The following XK variants were observed in gnomAD, a reference collection of about 807,000 sequenced individuals.
The protein encoded by XK is endoplasmic reticulum membrane adapter protein XK.
In XK, 2 loss-of-function variants were observed where a neutral mutation model predicts 14.0. The observed-to-expected ratio is 0.14, with a 90% confidence interval of 0.06 to 0.45. XK has a LOEUF of 0.45. Ranked by LOEUF, XK falls within the 20% of genes least tolerant of loss-of-function variation. The pLI is 0.98. For missense variants in XK, 235 were observed against 341.5 expected, an observed-to-expected ratio of 0.69 and a Z score of 2.46; for synonymous variants, 149 against 147.5, an observed-to-expected ratio of 1.01 and a Z score of -0.08.
Position 37,686,101 on chromosome X carries a change from C to G in XK, c.140C>G (p.Pro47Arg), listed in dbSNP as rs1927066126. ...CTGACGTTGCTTTTCTCGCTACTGCCTTGCGCGCTCGTGCAGCTCACGCTT... is the reference window on the plus strand; with the variant it reads ...CTGACGTTGCTTTTCTCGCTACTGCGTTGCGCGCTCGTGCAGCTCACGCTT... ...QALTLLFSLL[P>R]CALVQLTLLF... The change falls in exon 1 of 3, where the codon CCT becomes CGT. Residue 47 changes from proline (P) to arginine (R), a missense_variant. Physicochemically the swap from Pro to Arg is moderately radical, Grantham distance 103 (BLOSUM62 -2). Transcript: ENST00000378616. 8.3e-7 allele frequency: 1 copy of G among 1,211,758 alleles called. No individual in the cohort carries two copies. The highest frequency in any genetic ancestry group is 1.1e-6 in the Non-Finnish European group (1 of 895,477).
chrX:37,688,989 A>G (rs1927152364), intron 1 of XK, among the ~76,000 whole-genome samples: 1 of 112,246 alleles, frequency 8.9e-6, no homozygotes, highest in Admixed American at 9.4e-5. Context: ...AAGGAAAGAA[A>G]ACTTTTGGTG....
intron 2 of XK, among the ~76,000 whole-genome samples, chrX:37,726,093 G>A (rs1436239830): frequency 1.8e-5 from 2 of 111,038 alleles, no homozygotes; most frequent in Non-Finnish European, 3.8e-5. Flanking sequence ...AATGCCAAGA[G>A]TGAGCCCTAA....
At chrX:37,721,436 A>G (rs1361780871) in intron 2 of XK, among the ~76,000 whole-genome samples, 8 of 111,639 alleles carry the variant, frequency 7.2e-5, no homozygotes, top group African/African-American at 2.3e-4. Flanking sequence ...CAAATGGCCA[A>G]TACCCACATG....
chrX:37,685,878 C>T lies in XK; in HGVS notation c.-84C>T. On this transcript the variant is annotated 5_prime_UTR_variant, in exon 1 of 3. Transcript: ENST00000378616. ...GTTTGGGGCTGGGCATGCTGGGAGCCCCTCGGGCAACGGCCGCCGCCGCCA... is the reference window on the plus strand; with the variant it reads ...GTTTGGGGCTGGGCATGCTGGGAGCTCCTCGGGCAACGGCCGCCGCCGCCA... 1 of 1,083,405 alleles carries T rather than the reference C, an allele frequency of 9.2e-7. No individual in the cohort carries two copies. The highest frequency in any genetic ancestry group is 1.2e-6 in the Non-Finnish European group (1 of 808,821). The allele number at this position is 1,083,405 out of a possible 1,213,427, so 89.3% of individuals were successfully genotyped here.
At chrX:37,688,753 C>T (rs1447056951) in intron 1 of XK, among the ~76,000 whole-genome samples, 4 of 110,961 alleles carry the variant, frequency 3.6e-5, no homozygotes, top group African/African-American at 1.3e-4. Flanking sequence ...TTTCTAAACA[C>T]GAAGAGTAAC....
At chrX:37,715,472 T>A (rs1927749027) in intron 2 of XK, among the ~76,000 whole-genome samples, 1 of 112,113 alleles carries the variant, frequency 8.9e-6, no homozygotes, top group African/African-American at 3.2e-5. Flanking sequence ...GTAAACTTAG[T>A]TTATTCATTT....
intron 2 of XK, among the ~76,000 whole-genome samples, chrX:37,720,989 C>G (rs959361132): frequency 1.8e-5 from 2 of 111,024 alleles, no homozygotes; most frequent in Non-Finnish European, 3.8e-5. Flanking sequence ...GTGCAGGTAT[C>G]ATTTTAATAT....
chrX:37,686,467 A>G (rs1927078955), intron 1 of XK, among the ~76,000 whole-genome samples: 1 of 112,308 alleles, frequency 8.9e-6, no homozygotes, highest in East Asian at 2.8e-4. Context: ...GAAATTGACC[A>G]ACAAAAATGG....
chrX:37,685,842 G>T lies in XK; in HGVS notation c.-120G>T, dbSNP rs1927048841. On this transcript the variant is annotated 5_prime_UTR_variant, in exon 1 of 3. Transcript: ENST00000378616. The stretch of plus-strand genomic sequence containing the variant: ...GCGTGCCCTCGGCGGGCTGCGCAGA[G>T]CGCGGGAGCGGTTTGGGGCTGGGCA... 5.9e-6 allele frequency: 5 copies of T among 844,075 alleles called. No individual in the cohort carries two copies. The South Asian group carries it at 1.3e-4, about 22-fold the overall frequency. The allele number at this position is 844,075 out of a possible 1,213,427, so 69.6% of individuals were successfully genotyped here. A position where few individuals can be genotyped will look rare whatever the true frequency, so the allele number is the denominator to read the frequency against.
intron 2 of XK, among the ~76,000 whole-genome samples, chrX:37,720,590 G>A (rs1217353812): frequency 9.1e-6 from 1 of 110,477 alleles, no homozygotes; most frequent in Non-Finnish European, 1.9e-5. Flanking sequence ...GCATAGTGGT[G>A]AAGTCTGGGC....
chrX:37,709,911 T>G (rs781972811), intron 2 of XK, among the ~76,000 whole-genome samples: 10 of 111,982 alleles, frequency 8.9e-5, no homozygotes, highest in Non-Finnish European at 1.5e-4. Context: ...GCTTCAATTC[T>G]TCAATTTCAG....
intron 1 of XK, among the ~76,000 whole-genome samples, chrX:37,691,803 G>A (rs782468156): frequency 9.0e-6 from 1 of 111,528 alleles, no homozygotes; most frequent in South Asian, 3.8e-4. Context: ...TACGTAGCCT[G>A]GTCAACATAG....
Position 37,721,247 on chromosome X carries a change from A to T in XK, c.509-6389A>T, listed in dbSNP as rs1422070141. 2.7e-5 allele frequency among the ~76,000 whole-genome samples: 3 copies of T among 111,116 alleles called. No individual in the cohort carries two copies. In the East Asian group the frequency reaches 8.4e-4, roughly 31 times the overall value. On this transcript the variant is annotated intron_variant, in intron 2 of 2. Coordinates refer to ENST00000378616, the MANE Select transcript of XK (RefSeq NM_021083.4). ...ATATCTCATTATGGCATTAATTTGC[A>T]TTTTCTGATGATTAGTGATGTTGAG...
At chrX:37,695,761 C>T (rs1927295257) in intron 2 of XK, among the ~76,000 whole-genome samples, 1 of 111,967 alleles carries the variant, frequency 8.9e-6, no homozygotes, top group Admixed American at 9.5e-5. Context: ...CTCCCTTATC[C>T]AGGTTGCCTG....
intron 2 of XK, among the ~76,000 whole-genome samples, chrX:37,708,093 G>C (rs1556445817): frequency 8.9e-6 from 1 of 112,280 alleles, no homozygotes; most frequent in African/African-American, 3.2e-5. Flanking sequence ...GCAATCTCAG[G>C]CACTCGGCAG....
chrX:37,727,838 G>A lies in XK; in HGVS notation c.711G>A (p.Val237=), dbSNP rs782587141. The A allele has an allele frequency of 1.7e-6, 2 of 1,209,069 alleles. No homozygotes were observed. The highest frequency in any genetic ancestry group is 2.2e-6 in the Non-Finnish European group (2 of 894,956). The change falls in exon 3 of 3, where the codon GTG becomes GTA. Residue 237 remains valine, a synonymous_variant. Coordinates refer to ENST00000378616, the MANE Select transcript of XK (RefSeq NM_021083.4). ...VLFTSVLKTW[V]VVIILINFFS... is the part of the protein sequence containing the mutation. ...TTACCTCCGTCCTGAAGACCTGGGT[G>A]GTGGTTATAATACTCATCAACTTCT...
intron 2 of XK, among the ~76,000 whole-genome samples, chrX:37,707,205 C>T (rs1285833760): frequency 2.3e-4 from 25 of 110,489 alleles, no homozygotes; most frequent in Middle Eastern, 9.7e-3. Context: ...CCAGAAGGGG[C>T]GGCCGGGCAG....
In XK at chrX:37,731,951, A is replaced by T. The variant is rs1556451308; in HGVS notation, c.*3489A>T. 14 of 111,774 alleles carry T rather than the reference A, an allele frequency of 1.3e-4. No individual in the cohort carries two copies. The allele number at this position is 111,774 out of a possible 1,213,427, so 9.2% of individuals were successfully genotyped here. A position where few individuals can be genotyped will look rare whatever the true frequency, so the allele number is the denominator to read the frequency against. On this transcript the variant is annotated 3_prime_UTR_variant, in exon 3 of 3. Transcript: ENST00000378616. ...ATTAAAATTGATTGTCAAATACAGCATTTCTTTGGAAACCACCTTAAAACA... is the reference window on the plus strand; with the variant it reads ...ATTAAAATTGATTGTCAAATACAGCTTTTCTTTGGAAACCACCTTAAAACA...
chrX:37,724,125 A>G lies in XK; in HGVS notation c.509-3511A>G, dbSNP rs190096195. Among the ~76,000 whole-genome samples the G allele has an allele frequency of 2.2e-4, 25 of 111,801 alleles. No individual in the cohort carries two copies. In the East Asian group the frequency reaches 7.0e-3, roughly 31 times the overall value. ...AAGAGTGAGCTTCTCTCCCAGGCAA[A>G]TAAATACCAAAGCTTCAGAGTTTTT... On this transcript the variant is annotated intron_variant, in intron 2 of 2. Transcript: ENST00000378616.
Sources: allele counts gnomAD v4.1 joint callset (sites outside exome capture counted in the v4.1 genomes callset), GRCh38; gene constraint gnomAD v4.1.1; transcripts MANE v1.5; gene names NCBI Gene and HGNC (gene_info 2026-07-23, HGNC 2026-07-21).